PPP1R3B: variants seen among roughly 807,000 people sequenced by gnomAD.
The protein encoded by PPP1R3B is protein phosphatase 1 regulatory subunit 3B.
PPP1R3B carries 8 observed loss-of-function variants against 14.6 expected under a neutral mutation model. That is an observed-to-expected ratio of 0.55 (90% CI 0.32 to 0.99). The LOEUF is 0.99. Ranked by LOEUF, PPP1R3B falls within the 50% of genes least tolerant of loss-of-function variation. The pLI, the probability that PPP1R3B is intolerant of heterozygous loss-of-function variation, is 0.04. For synonymous variants in PPP1R3B, 169 were observed against 142.0 expected (o/e 1.19, Z -1.35); for missense variants, 452 against 360.1 (o/e 1.26, Z -2.07).
At chr8:9,143,490 T>A (rs1366741259) in intron 1 of PPP1R3B, among the ~76,000 whole-genome samples, 1 of 152,008 alleles carries the variant, frequency 6.6e-6, no homozygotes, top group African/African-American at 2.4e-5. Flanking sequence ...TCATCTGAGG[T>A]CAGGAGTTTG....
upstream of PPP1R3B, among the ~76,000 whole-genome samples, chr8:9,151,118 C>T (rs1286637624): frequency 6.6e-6 from 1 of 152,144 alleles, no homozygotes; most frequent in African/African-American, 2.4e-5. Flanking sequence ...CGCGGTGGAG[C>T]ACGTGGGCCC....
Position 9,137,749 on chromosome 8 carries a change from A to T in PPP1R3B, c.*3045T>A, listed in dbSNP as rs554104429. The stretch of plus-strand genomic sequence containing the variant: ...CTGATGAGGAAACTCAGGCAAGTAG[A>T]GTCTTTTATTGGAGAAGAAGGGTCT... On this transcript the variant is annotated 3_prime_UTR_variant, in exon 2 of 2. Transcript: ENST00000310455. 6.6e-6 allele frequency: 1 copy of T among 152,356 alleles called. No homozygotes were observed. The highest frequency in any genetic ancestry group is 1.9e-4 in the East Asian group (1 of 5,184). 9.4% of individuals were successfully genotyped at this position (152,356 alleles called of 1,614,324 possible). A position where few individuals can be genotyped will look rare whatever the true frequency, so the allele number is the denominator to read the frequency against.
At chr8:9,144,809 A>G (rs773550041) in intron 1 of PPP1R3B, among the ~76,000 whole-genome samples, 6 of 152,124 alleles carry the variant, frequency 3.9e-5, no homozygotes, top group Non-Finnish European at 5.9e-5. Flanking sequence ...GCAATGGCAC[A>G]ATCTCGGTTC....
At chr8:9,143,625 C>G (rs1002869517) in intron 1 of PPP1R3B, among the ~76,000 whole-genome samples, 2 of 152,152 alleles carry the variant, frequency 1.3e-5, no homozygotes, top group South Asian at 2.1e-4. Flanking sequence ...TTGCTTGAAC[C>G]TGGGAGGCGG....
At chr8:9,144,291 G>A (rs1029336472) in intron 1 of PPP1R3B, among the ~76,000 whole-genome samples, 3 of 151,242 alleles carry the variant, frequency 2.0e-5, no homozygotes, top group African/African-American at 4.9e-5. Context: ...GGGCTCAAGC[G>A]GTCCTCCCAC....
intron 1 of PPP1R3B, among the ~76,000 whole-genome samples, chr8:9,146,072 T>C (rs1235000663): frequency 6.6e-6 from 1 of 152,194 alleles, no homozygotes; most frequent in Non-Finnish European, 1.5e-5. Context: ...TTTCACCATG[T>C]TGCCCAGGTT....
At chr8:9,143,710 T>A (rs1801156610) in intron 1 of PPP1R3B, among the ~76,000 whole-genome samples, 1 of 151,978 alleles carries the variant, frequency 6.6e-6, no homozygotes, top group South Asian at 2.1e-4. Flanking sequence ...AAAATAAAAA[T>A]AAATAAAATA....
At chr8:9,148,420 C>T (rs1047009098) in intron 1 of PPP1R3B, among the ~76,000 whole-genome samples, 21 of 152,154 alleles carry the variant, frequency 1.4e-4, no homozygotes, top group African/African-American at 5.1e-4. Flanking sequence ...TATGGACATA[C>T]ATTTGAACCA....
intron 1 of PPP1R3B, among the ~76,000 whole-genome samples, chr8:9,144,375 G>A (rs1801171607): frequency 6.6e-6 from 1 of 151,256 alleles, no homozygotes; most frequent in African/African-American, 2.4e-5. Context: ...ATATTTTTTT[G>A]TAGAGACGAG....
At position 9,137,935 on chromosome 8, in the gene PPP1R3B, T is replaced by G. The variant is rs973937220; in HGVS notation, c.*2859A>C. 2.0e-4 allele frequency: 31 copies of G among 152,164 alleles called. No individual in the cohort carries two copies. Among genetic ancestry groups the G allele is most frequent in the African/African-American group, 7.0e-4 (29 of 41,442 alleles). 9.4% of individuals were successfully genotyped at this position (152,164 alleles called of 1,614,324 possible). ...GGGTTTACGGCTGCTTTAGAAGAGA[T>G]AGTTATCACTGAATTACCATATTTC... is the stretch of plus-strand genomic sequence containing the variant. On this transcript the variant is annotated 3_prime_UTR_variant, in exon 2 of 2. Coordinates refer to ENST00000310455, the MANE Select transcript of PPP1R3B (RefSeq NM_024607.4).
chr8:9,149,095 A>C (rs1366229064), intron 1 of PPP1R3B, among the ~76,000 whole-genome samples: 2 of 148,314 alleles, frequency 1.3e-5, no homozygotes, highest in Non-Finnish European at 3.0e-5. Flanking sequence ...CAGGAGGCCG[A>C]GGCAGGAGAA....
Position 9,141,564 on chromosome 8 carries a change from G to T in PPP1R3B, c.88C>A (p.Pro30Thr). The T allele has an allele frequency of 5.6e-6, 9 of 1,614,146 alleles. No homozygotes were observed. The highest frequency in any genetic ancestry group is 7.6e-6 in the Non-Finnish European group (9 of 1,180,036). ...ATACAAGGCCTCAGTGGTTTGCTGG[G>T]CTTTGGTGAGATCTTAAAGGCAAAC... ...ERFAFKISPK[P>T]SKPLRPCIQL... Residue 30 changes from proline (P) to threonine (T), a missense_variant, in exon 2 of 2, where the codon CCC (proline) becomes ACC (threonine). Physicochemically the swap from Pro to Thr is conservative, Grantham distance 38. Coordinates refer to ENST00000310455, the MANE Select transcript of PPP1R3B (RefSeq NM_024607.4).
rs1801069323 is a variant in PPP1R3B, at chr8:9,141,130, G to A, written c.522C>T (p.Asp174=). The A allele has an allele frequency of 2.5e-6, 4 of 1,614,214 alleles. No homozygotes were observed. The East Asian group carries it at 6.7e-5, about 27-fold the overall frequency. The stretch of plus-strand genomic sequence containing the variant: ...TGTCCTTCACGTACTGACAAGGAAA[G>A]TCTGTGTAGCTCTTCCAGGTGTCGA... The part of the protein sequence containing the change: ...MTFDTWKSYT[D]FPCQYVKDTY... The change falls in exon 2 of 2, where the codon GAC becomes GAT. Residue 174 remains aspartate, a synonymous_variant. Transcript: ENST00000310455.
intron 1 of PPP1R3B, chr8:9,145,323 TCCTCCTCCTCAG>T: frequency 6.6e-6 from 1 of 152,450 alleles, no homozygotes; most frequent in East Asian, 1.9e-4. Flanking sequence ...CTCCTCCTCT[TCCTCCTCCTCAG>T]CCTACTCAAC....
intron 1 of PPP1R3B, among the ~76,000 whole-genome samples, chr8:9,148,435 AG>A (rs948920798): frequency 5.3e-5 from 8 of 152,198 alleles, no homozygotes; most frequent in Non-Finnish European, 1.2e-4. Flanking sequence ...GAACCATGAG[AG>A]CAGGACTCAG....
At position 9,138,597 on chromosome 8, in the gene PPP1R3B, G is replaced by A. The variant is rs1365854229; in HGVS notation, c.*2197C>T. 6.6e-6 allele frequency: 1 copy of A among 152,146 alleles called. No individual in the cohort carries two copies. The highest frequency in any genetic ancestry group is 2.4e-5 in the African/African-American group (1 of 41,414). 9.4% of individuals were successfully genotyped at this position (152,146 alleles called of 1,614,324 possible). ...TGGTTATGTACAAAGCCACAAATGG[G>A]AGGTCTTTTCAAATTAATCTGGAAA... is the stretch of plus-strand genomic sequence containing the variant. On this transcript the variant is annotated 3_prime_UTR_variant, in exon 2 of 2. Transcript: ENST00000310455.
intron 1 of PPP1R3B, among the ~76,000 whole-genome samples, chr8:9,149,478 T>A (rs1447627789): frequency 6.6e-6 from 1 of 152,202 alleles, no homozygotes; most frequent in Admixed American, 6.5e-5. Context: ...CACTCCAGCC[T>A]GGGCGACAGA....
chr8:9,140,850 G>A lies in PPP1R3B; in HGVS notation c.802C>T (p.Leu268=), dbSNP rs1262913637. 1 of 1,614,130 alleles carries A rather than the reference G, an allele frequency of 6.2e-7. No homozygotes were observed. The highest frequency in any genetic ancestry group is 1.7e-5 in the Admixed American group (1 of 60,014). The change falls in exon 2 of 2, where the codon CTG becomes TTG. Residue 268 remains leucine, a synonymous_variant. Coordinates refer to ENST00000310455, the MANE Select transcript of PPP1R3B (RefSeq NM_024607.4). ...QFGSPRCSYG[L]FPEWPSYLGY... ...AAGTAACTTGGCCACTCTGGAAACAGACCATAGGAACACCGAGGGCTTCCG... is the reference window on the plus strand; with the variant it reads ...AAGTAACTTGGCCACTCTGGAAACAAACCATAGGAACACCGAGGGCTTCCG...
Position 9,138,815 on chromosome 8 carries a change from C to G in PPP1R3B, c.*1979G>C, listed in dbSNP as rs968501184. ...AAAATAGAAAATAAAAAACCAACTT[C>G]CTACAAGTATACTTGTAAAAATATA... is the stretch of plus-strand genomic sequence containing the variant. On this transcript the variant is annotated 3_prime_UTR_variant, in exon 2 of 2. Coordinates refer to ENST00000310455, the MANE Select transcript of PPP1R3B (RefSeq NM_024607.4). 1 of 152,212 alleles carries G rather than the reference C, an allele frequency of 6.6e-6. No individual in the cohort carries two copies. The highest frequency in any genetic ancestry group is 2.4e-5 in the African/African-American group (1 of 41,454). 9.4% of individuals were successfully genotyped at this position (152,212 alleles called of 1,614,324 possible).
Sources: gnomAD v4.1 joint callset for allele counts (sites outside exome capture counted in the v4.1 genomes callset) on GRCh38, gnomAD v4.1.1 for gene constraint, MANE v1.5 for transcripts, NCBI Gene and HGNC (gene_info 2026-07-23, HGNC 2026-07-21) for gene names.